Variants in IRAK1BP1 observed in about 807,000 individuals in gnomAD.
IRAK1BP1 encodes the protein interleukin-1 receptor-associated kinase 1-binding protein 1.
IRAK1BP1 carries 24 observed loss-of-function variants against 28.0 expected under a neutral mutation model. The ratio of observed to expected loss-of-function variants is 0.86; its 90% CI spans 0.62 to 1.20. The LOEUF is 1.20. IRAK1BP1 is among the 50% of genes most tolerant of loss of function. The pLI is 0.00. For missense variants in IRAK1BP1, 336 were observed against 316.7 expected, an observed-to-expected ratio of 1.06 and a Z score of -0.46; for synonymous variants, 131 against 116.3, an observed-to-expected ratio of 1.13 and a Z score of -0.81.
At chr6:78,897,278 AG>A (rs974226372) in intron 2 of IRAK1BP1, among the ~76,000 whole-genome samples, 13 of 150,728 alleles carry the variant, frequency 8.6e-5, no homozygotes, top group Non-Finnish European at 1.8e-4. Context: ...AAAAAAAAAA[AG>A]ACAAGGTTTA....
intron 4 of IRAK1BP1, chr6:78,940,669 T>C: frequency 6.5e-7 from 1 of 1,547,536 alleles, no homozygotes; most frequent in Non-Finnish European, 8.8e-7. Flanking sequence ...TTATAGATTT[T>C]GAAGTAAAAT....
At chr6:78,965,713 T>G in the IRAK1BP1 span, 1 of 1,551,194 alleles carries the variant, frequency 6.4e-7, no homozygotes, top group Non-Finnish European at 8.9e-7. Context: ...CATTATTAGG[T>G]ATAAGCTCCA....
At chr6:78,969,122 C>G in the IRAK1BP1 span, among the ~76,000 whole-genome samples, 1 of 152,316 alleles carries the variant, frequency 6.6e-6, no homozygotes, top group East Asian at 1.9e-4. Flanking sequence ...TTTCTAACTT[C>G]CATGTCCATA....
At chr6:78,938,192 G>A (rs927567367) in intron 4 of IRAK1BP1, 3 of 151,470 alleles carry the variant, frequency 2.0e-5, no homozygotes, top group East Asian at 1.9e-4. Flanking sequence ...TAAGTGTTTC[G>A]GTTACAAAGA....
chr6:78,917,486 A>G (rs964179784), intron 4 of IRAK1BP1, among the ~76,000 whole-genome samples: 1 of 152,118 alleles, frequency 6.6e-6, no homozygotes, highest in African/African-American at 2.4e-5. Flanking sequence ...TGTGGAAAAC[A>G]TATTTCAAGG....
chr6:78,922,553 A>G (rs879168487), intron 4 of IRAK1BP1, among the ~76,000 whole-genome samples: 2 of 152,212 alleles, frequency 1.3e-5, no homozygotes, highest in African/African-American at 4.8e-5. Context: ...CCAACATTCA[A>G]ATTCAGGAAA....
intron 4 of IRAK1BP1, among the ~76,000 whole-genome samples, chr6:78,911,303 G>A (rs1027383469): frequency 6.6e-6 from 1 of 152,048 alleles, no homozygotes; most frequent in Non-Finnish European, 1.5e-5. Context: ...AGAACTTTTG[G>A]TGTCTCCTGA....
At position 78,902,088 on chromosome 6, in the gene IRAK1BP1, G is replaced by A. The variant is rs1206151440; in HGVS notation, c.*3754G>A. 6.6e-6 allele frequency: 1 copy of A among 152,112 alleles called. No homozygotes were observed. The highest frequency in any genetic ancestry group is 1.5e-5 in the Non-Finnish European group (1 of 68,008). 9.4% of individuals were successfully genotyped at this position (152,112 alleles called of 1,614,324 possible). A position where few individuals can be genotyped will look rare whatever the true frequency, so the allele number is the denominator to read the frequency against. ...AAAAGACCTATATAAATTAGTTTAA[G>A]CTAACATTTAGACATTTACTATTAC... is the stretch of plus-strand genomic sequence containing the variant. On this transcript the variant is annotated 3_prime_UTR_variant, in exon 4 of 4. Transcript: ENST00000369940.
the IRAK1BP1 span, chr6:78,958,445 A>G: frequency 8.0e-7 from 1 of 1,254,064 alleles, no homozygotes; most frequent in East Asian, 2.3e-5. Context: ...TATTAAAACT[A>G]TCATAATTAC....
chr6:78,888,423 T>C (rs1267717703), intron 2 of IRAK1BP1, among the ~76,000 whole-genome samples: 1 of 152,172 alleles, frequency 6.6e-6, no homozygotes, highest in African/African-American at 2.4e-5. Flanking sequence ...ATTATAGTGA[T>C]AGTATCACAG....
At chr6:78,881,333 C>T (rs1771220011) in intron 1 of IRAK1BP1, among the ~76,000 whole-genome samples, 1 of 151,982 alleles carries the variant, frequency 6.6e-6, no homozygotes, top group Non-Finnish European at 1.5e-5. Flanking sequence ...CTATGGGGAA[C>T]GAAAACAGAT....
chr6:78,972,088 C>T, the IRAK1BP1 span, among the ~76,000 whole-genome samples: 7 of 152,130 alleles, frequency 4.6e-5, no homozygotes, highest in Non-Finnish European at 1.0e-4. Flanking sequence ...CACAGACAAA[C>T]AAAAAGACAG....
the IRAK1BP1 span, among the ~76,000 whole-genome samples, chr6:78,967,606 G>C: frequency 2.6e-5 from 4 of 152,156 alleles, no homozygotes; most frequent in African/African-American, 9.6e-5. Flanking sequence ...TATATCCTCA[G>C]ATATAAAAGA....
exon 5 of IRAK1BP1, chr6:78,945,543 A>G (rs746048409): frequency 1.7e-6 from 2 of 1,172,136 alleles, no homozygotes; most frequent in Non-Finnish European, 2.5e-6. Context: ...TATTGAACCT[A>G]AAGATAAGAA....
In IRAK1BP1 at chr6:78,885,463, T is replaced by C; in HGVS notation, c.381+20T>C. On this transcript the variant is annotated intron_variant, in intron 2 of 3. Transcript: ENST00000369940. ...GCAGAGGTATGTACTTAACAAATAA[T>C]TGGAAGCAGCATGATTTTGTGGAGA... The C allele has an allele frequency of 1.0e-6, 1 of 986,490 alleles. No homozygotes were observed. The highest frequency in any genetic ancestry group is 1.5e-6 in the Non-Finnish European group (1 of 667,096). The allele number at this position is 986,490 out of a possible 1,614,324, so 61.1% of individuals were successfully genotyped here.
chr6:78,892,977 G>A (rs1211113212), intron 2 of IRAK1BP1, among the ~76,000 whole-genome samples: 1 of 151,518 alleles, frequency 6.6e-6, no homozygotes, highest in African/African-American at 2.4e-5. Flanking sequence ...GGAAAGTGGG[G>A]GACAAGAAAA....
chr6:78,873,155 T>G (rs1482766601), intron 1 of IRAK1BP1, among the ~76,000 whole-genome samples: 1 of 142,716 alleles, frequency 7.0e-6, no homozygotes, highest in Non-Finnish European at 1.5e-5. Context: ...CTCCGGAGGC[T>G]GAGGCAGGAG....
Position 78,901,664 on chromosome 6 carries a change from T to A in IRAK1BP1, c.*3330T>A, listed in dbSNP as rs1365586053. On this transcript the variant is annotated 3_prime_UTR_variant, in exon 4 of 4. Transcript: ENST00000369940. ...TGGAAGTGCTATTAAAAGGAAATGC[T>A]ATTAAAATAAGATTTCATATATTAC... 1 of 152,162 alleles carries A rather than the reference T, an allele frequency of 6.6e-6. No individual in the cohort carries two copies. The highest frequency in any genetic ancestry group is 2.4e-5 in the African/African-American group (1 of 41,464). 9.4% of individuals were successfully genotyped at this position (152,162 alleles called of 1,614,324 possible).
the IRAK1BP1 span, among the ~76,000 whole-genome samples, chr6:78,972,357 C>G: frequency 1.3e-5 from 2 of 152,122 alleles, no homozygotes; most frequent in Non-Finnish European, 2.9e-5. Context: ...GAAAGGACAT[C>G]CACATCAAAA....
Sources: allele counts gnomAD v4.1 joint callset (sites outside exome capture counted in the v4.1 genomes callset), GRCh38; gene constraint gnomAD v4.1.1; transcripts MANE v1.5; gene names NCBI Gene and HGNC (gene_info 2026-07-23, HGNC 2026-07-21).